Variants in ATP8A1 observed in about 807,000 individuals in gnomAD.
The protein encoded by ATP8A1 is phospholipid-transporting ATPase IA.
A neutral mutation model predicts 177.7 loss-of-function variants in ATP8A1; 90 were observed. That is an observed-to-expected ratio of 0.51 (90% confidence interval 0.43 to 0.60). The LOEUF (loss-of-function observed/expected upper bound fraction) is 0.60. Ranked by LOEUF, ATP8A1 falls within the 20% of genes least tolerant of loss-of-function variation. The probability of loss-of-function intolerance (pLI) is 0.00; values close to 1 mark genes in which losing one functional copy is unlikely to be tolerated. For missense variants in ATP8A1, 1,072 were observed against 1,392.8 expected, an observed-to-expected ratio of 0.77 and a Z score of 3.67; for synonymous variants, 493 against 485.9, an observed-to-expected ratio of 1.01 and a Z score of -0.19.
chr4:42,435,614 G>A (rs1311848010), intron 33 of ATP8A1, among the ~76,000 whole-genome samples: 5 of 152,062 alleles, frequency 3.3e-5, no homozygotes, highest in African/African-American at 9.7e-5. Context: ...GAGGCAGTCC[G>A]CCCTCTGCCC....
chr4:42,499,444 G>A (rs1723599273), intron 24 of ATP8A1, among the ~76,000 whole-genome samples: 1 of 152,168 alleles, frequency 6.6e-6, no homozygotes. Context: ...AGAGATGCCA[G>A]AAGGAGAGAT....
intron 15 of ATP8A1, among the ~76,000 whole-genome samples, chr4:42,566,393 C>G (rs1169278846): frequency 1.3e-5 from 2 of 152,116 alleles, no homozygotes; most frequent in South Asian, 4.2e-4. Flanking sequence ...ACTCTTTACT[C>G]CTGAAGATCA....
At chr4:42,509,586 C>A (rs1049605250) in intron 22 of ATP8A1, among the ~76,000 whole-genome samples, 1 of 152,126 alleles carries the variant, frequency 6.6e-6, no homozygotes. Context: ...CTTGGCCAGG[C>A]GCGGTGGCTC....
At chr4:42,429,961 G>T (rs1715083462) in intron 33 of ATP8A1, among the ~76,000 whole-genome samples, 1 of 152,206 alleles carries the variant, frequency 6.6e-6, no homozygotes, top group Non-Finnish European at 1.5e-5. Context: ...ACTGCTAGGG[G>T]TTAGGGGAAA....
chr4:42,555,135 ATCTAATCTATCTATCT>A (rs55907997), intron 16 of ATP8A1, among the ~76,000 whole-genome samples: 662 of 60,202 alleles, frequency 0.011, 1 homozygote, highest in Non-Finnish European at 0.015. Context: ...CTATCTATCT[ATCTAATCTATCTATCT>A]ATCTATCTAT....
chr4:42,503,460 C>A lies in ATP8A1; in HGVS notation c.2141G>T (p.Gly714Val), dbSNP rs1405867606. Residue 714 changes from glycine to valine, a missense_variant, in exon 24 of 37, where the codon GGC becomes GTC. Physicochemically the swap from Gly to Val is moderately radical, Grantham distance 109. Around this residue, in one of 5 missense-constraint regions of ATP8A1, gnomAD observed 388 missense variants for 471.7 expected, o/e 0.82. Transcript: ENST00000381668. ...KNMGMIVINE[G>V]SLDGTRETLS... ...CATAATTTTACTTACATCAAGAGAG[C>A]CTTCATTTATAACAATCATTCCCAT... 1.2e-6 allele frequency: 2 copies of A among 1,600,788 alleles called. No individual in the cohort carries two copies. The highest frequency in any genetic ancestry group is 1.7e-6 in the Non-Finnish European group (2 of 1,169,934).
intron 11 of ATP8A1, among the ~76,000 whole-genome samples, chr4:42,578,858 T>C (rs1196236383): frequency 3.3e-5 from 5 of 152,110 alleles, no homozygotes; most frequent in Non-Finnish European, 5.9e-5. Context: ...AGGTACATTA[T>C]ACTCTTCTTC....
chr4:42,536,836 C>A (rs1727874643), intron 20 of ATP8A1, among the ~76,000 whole-genome samples: 1 of 152,082 alleles, frequency 6.6e-6, no homozygotes, highest in Admixed American at 6.5e-5. Flanking sequence ...GAATTAAAAA[C>A]AAAAACCAGG....
Position 42,443,583 on chromosome 4 carries a change from G to A in ATP8A1, c.3105C>T (p.Ala1035=), listed in dbSNP as rs564983245. The part of the protein sequence containing the change: ...YSSLWPAIPM[A]PDMSGEAAML... Reference sequence around the variant, plus strand: ...ACATTACCTCTCCTGACATATCAGGGGCCATCGGAATGGCAGGCCACAGAG... The same window carrying A: ...ACATTACCTCTCCTGACATATCAGGAGCCATCGGAATGGCAGGCCACAGAG... The change falls in exon 33 of 37, where the codon GCC becomes GCT. Residue 1035 remains alanine, a synonymous_variant. Coordinates refer to ENST00000381668, the MANE Select transcript of ATP8A1 (RefSeq NM_006095.2). The A allele has an allele frequency of 1.4e-6, 2 of 1,398,142 alleles. No homozygotes were observed. The highest frequency in any genetic ancestry group is 1.4e-5 in the African/African-American group (1 of 70,796). 86.6% of individuals were successfully genotyped at this position (1,398,142 alleles called of 1,614,324 possible). A position where few individuals can be genotyped will look rare whatever the true frequency, so the allele number is the denominator to read the frequency against.
Position 42,555,974 on chromosome 4 carries a change from A to G in ATP8A1, c.1407T>C (p.Asn469=), listed in dbSNP as rs1730191752. Residue 469 remains asparagine (N), a synonymous_variant, in exon 16 of 37, where the codon AAT becomes AAC. Transcript: ENST00000381668. ...ATGGTTTTATGTAACTTACATGATT[A>G]TTTTGGAGATTTTCCAGCAATGATG... is the stretch of plus-strand genomic sequence containing the variant. ...SDSSLLENLQ[N]NHPTAPIICE... is the part of the protein sequence containing the mutation. 6.2e-7 allele frequency: 1 copy of G among 1,605,124 alleles called. No individual in the cohort carries two copies. The highest frequency in any genetic ancestry group is 1.3e-5 in the African/African-American group (1 of 74,698).
chr4:42,518,179 A>G (rs1725750346), intron 22 of ATP8A1, among the ~76,000 whole-genome samples: 1 of 152,246 alleles, frequency 6.6e-6, no homozygotes, highest in South Asian at 2.1e-4. Flanking sequence ...AGCAGCATTT[A>G]AAAGTATAAC....
chr4:42,602,698 G>C (rs1471475432), intron 5 of ATP8A1, among the ~76,000 whole-genome samples: 2 of 152,178 alleles, frequency 1.3e-5, no homozygotes, highest in Admixed American at 1.3e-4. Context: ...GACCCCGCGA[G>C]GGGGAGGTTG....
chr4:42,456,722 T>C (rs1182533494), intron 27 of ATP8A1, among the ~76,000 whole-genome samples: 1 of 152,090 alleles, frequency 6.6e-6, no homozygotes, highest in African/African-American at 2.4e-5. Flanking sequence ...TAAGCACAAA[T>C]ACAAAAACAA....
chr4:42,472,734 T>C (rs1382960031), intron 25 of ATP8A1, among the ~76,000 whole-genome samples: 1 of 124,872 alleles, frequency 8.0e-6, no homozygotes, highest in Non-Finnish European at 1.6e-5. Context: ...CAGGTGACAG[T>C]GCGAGACTGT....
chr4:42,555,199 C>CTA (rs1730067274), intron 16 of ATP8A1, among the ~76,000 whole-genome samples: 1 of 105,148 alleles, frequency 9.5e-6, no homozygotes, highest in African/African-American at 3.8e-5. Flanking sequence ...TCTATCTATC[C>CTA]TATTAGTTCT....
intron 25 of ATP8A1, among the ~76,000 whole-genome samples, chr4:42,474,506 A>T (rs1720833139): frequency 6.6e-6 from 1 of 152,228 alleles, no homozygotes; most frequent in Admixed American, 6.5e-5. Context: ...CCCTAAAGCT[A>T]AAACTGCAGA....
chr4:42,495,340 G>T (rs945824494), intron 24 of ATP8A1, among the ~76,000 whole-genome samples: 1 of 152,150 alleles, frequency 6.6e-6, no homozygotes, highest in African/African-American at 2.4e-5. Flanking sequence ...AAACCATTGG[G>T]TATTACTTGC....
chr4:42,473,001 T>A (rs902329326), intron 25 of ATP8A1, among the ~76,000 whole-genome samples: 1 of 152,064 alleles, frequency 6.6e-6, no homozygotes, highest in Non-Finnish European at 1.5e-5. Context: ...AAGAAGAATA[T>A]TGACAGCGGA....
intron 27 of ATP8A1, among the ~76,000 whole-genome samples, chr4:42,457,267 C>T (rs1384221287): frequency 1.3e-5 from 2 of 152,140 alleles, no homozygotes; most frequent in Non-Finnish European, 2.9e-5. Flanking sequence ...TGAGTATACA[C>T]AAATTGACAA....
Sources: gnomAD v4.1 joint callset for allele counts (sites outside exome capture counted in the v4.1 genomes callset) on GRCh38, gnomAD v4.1.1 for gene constraint, gnomAD v4.1.1 regional missense constraint, MANE v1.5 for transcripts, NCBI Gene and HGNC (gene_info 2026-07-23, HGNC 2026-07-21) for gene names.